The following SEMA6A variants were observed in gnomAD, a reference collection of about 807,000 sequenced individuals.
SEMA6A encodes semaphorin 6A.
A neutral mutation model predicts 96.8 loss-of-function variants in SEMA6A; 25 were observed. That is an observed-to-expected ratio of 0.26 (90% CI 0.19 to 0.36). SEMA6A has a LOEUF of 0.36. Among genes scored for constraint, SEMA6A ranks in the 10% least tolerant of loss-of-function variants. The pLI is 1.00. For synonymous variants in SEMA6A, 612 were observed against 518.0 expected (o/e 1.18, Z -2.46); for missense variants, 1,363 against 1,323.1 (o/e 1.03, Z -0.47).
At chr5:116,480,337 T>A in intron 11 of SEMA6A, 60 bp from the exon 12 acceptor site, 3 of 1,592,630 alleles carry the variant, frequency 1.9e-6, no homozygotes, top group Non-Finnish European at 2.6e-6. Flanking sequence ...TGGCAAATTC[T>A]TTGAATGAAC....
chr5:116,507,472 C>T (rs1192682191), intron 1 of SEMA6A, among the ~76,000 whole-genome samples: 5 of 152,162 alleles, frequency 3.3e-5, no homozygotes, highest in African/African-American at 9.7e-5. Context: ...TAAGATGACG[C>T]AATACAGACT....
Position 116,504,702 on chromosome 5 carries a change from G to A in SEMA6A, c.100+143C>T, listed in dbSNP as rs1758058747. 9.8e-6 allele frequency: 6 copies of A among 612,498 alleles called. No individual in the cohort carries two copies. In the South Asian group the frequency reaches 1.0e-4, roughly 11 times the overall value. 37.9% of individuals were successfully genotyped at this position (612,498 alleles called of 1,614,324 possible). On this transcript the variant is annotated intron_variant, in intron 2 of 18. Transcript: ENST00000343348. ...AAAAATCATCCTATCAATTTGACTA[G>A]ACTTGAATTAGCCACCTTTGCCACA...
chr5:116,460,755 A>G (rs913372871), intron 18 of SEMA6A, among the ~76,000 whole-genome samples: 1 of 150,576 alleles, frequency 6.6e-6, no homozygotes, highest in Non-Finnish European at 1.5e-5. Context: ...AACCCACCCA[A>G]ACTTTCAGAG....
intron 1 of SEMA6A, among the ~76,000 whole-genome samples, chr5:116,552,593 C>T (rs1334236993): frequency 1.3e-5 from 2 of 152,118 alleles, no homozygotes; most frequent in East Asian, 3.9e-4. Context: ...TTTAGTTAAG[C>T]GGCCCGGGCA....
intron 1 of SEMA6A, among the ~76,000 whole-genome samples, chr5:116,513,815 G>A (rs977974158): frequency 3.3e-5 from 5 of 151,894 alleles, no homozygotes; most frequent in Admixed American, 2.6e-4. Flanking sequence ...AGTGTGTGCT[G>A]TTCTTCCCCG....
chr5:116,529,935 C>CA (rs1759388573), intron 1 of SEMA6A, among the ~76,000 whole-genome samples: 1 of 152,036 alleles, frequency 6.6e-6, no homozygotes, highest in Admixed American at 6.6e-5. Context: ...TACCAAGCCT[C>CA]AATGACACAC....
At chr5:116,562,979 G>A (rs890873944) in intron 1 of SEMA6A, 15 of 569,706 alleles carry the variant, frequency 2.6e-5, no homozygotes, top group African/African-American at 9.4e-5. Context: ...GACAGCACCC[G>A]CAGGAAGGGG....
At chr5:116,502,987 A>G (rs1757960504) in intron 2 of SEMA6A, among the ~76,000 whole-genome samples, 1 of 152,202 alleles carries the variant, frequency 6.6e-6, no homozygotes, top group Non-Finnish European at 1.5e-5. Context: ...CAGTCAGGTG[A>G]TCTGAAATTT....
intron 1 of SEMA6A, among the ~76,000 whole-genome samples, chr5:116,526,798 C>T (rs1245381860): frequency 1.3e-5 from 2 of 152,058 alleles, no homozygotes; most frequent in African/African-American, 4.8e-5. Flanking sequence ...AGACTGACAC[C>T]CAGCATTTGC....
At chr5:116,473,750 CT>C (rs1027792972) in intron 16 of SEMA6A, among the ~76,000 whole-genome samples, 26 of 152,288 alleles carry the variant, frequency 1.7e-4, no homozygotes, top group African/African-American at 6.3e-4. Context: ...GAAATCCTCC[CT>C]GAATACCTAT....
At chr5:116,474,680 G>A (rs1335019440) in intron 16 of SEMA6A, among the ~76,000 whole-genome samples, 1 of 152,136 alleles carries the variant, frequency 6.6e-6, no homozygotes, top group East Asian at 1.9e-4. Flanking sequence ...TTAGAGTTAT[G>A]TCCGTGACTT....
At chr5:116,472,811 A>C in intron 17 of SEMA6A, 1 of 1,139,022 alleles carries the variant, frequency 8.8e-7, no homozygotes, top group Non-Finnish European at 1.2e-6. Context: ...GATGTTTAGG[A>C]ATGAAAACTA....
intron 1 of SEMA6A, among the ~76,000 whole-genome samples, chr5:116,537,654 A>G (rs1019058736): frequency 1.3e-5 from 2 of 152,330 alleles, no homozygotes; most frequent in South Asian, 4.1e-4. Context: ...AAGAGCCAAC[A>G]TTAAATAAAT....
chr5:116,481,469 G>A (rs964088012), intron 11 of SEMA6A, among the ~76,000 whole-genome samples: 4 of 152,294 alleles, frequency 2.6e-5, no homozygotes, highest in South Asian at 4.1e-4. Context: ...AATGAAGATG[G>A]ATGAGTTTCT....
At chr5:116,472,902 G>T in intron 17 of SEMA6A, 171 bp downstream of exon 17, 2 of 1,511,674 alleles carry the variant, frequency 1.3e-6, no homozygotes, top group Non-Finnish European at 1.8e-6. Flanking sequence ...TGTGTTGTAA[G>T]ACATTTCATT....
chr5:116,508,691 A>T (rs1352401183), intron 1 of SEMA6A, among the ~76,000 whole-genome samples: 3 of 152,206 alleles, frequency 2.0e-5, no homozygotes, highest in Non-Finnish European at 4.4e-5. Flanking sequence ...TCTTAAAAAA[A>T]ATCAGAGGTT....
intron 1 of SEMA6A, among the ~76,000 whole-genome samples, chr5:116,561,020 C>G (rs1760800167): frequency 6.6e-6 from 1 of 152,142 alleles, no homozygotes; most frequent in South Asian, 2.1e-4. Flanking sequence ...CACAACACAG[C>G]TATATGGAGG....
chr5:116,515,342 AG>A (rs1758619492), intron 1 of SEMA6A, among the ~76,000 whole-genome samples: 2 of 152,308 alleles, frequency 1.3e-5, no homozygotes, highest in South Asian at 4.1e-4. Flanking sequence ...AATATGACAG[AG>A]AAGAAGGGGT....
chr5:116,540,766 G>A (rs962962567), intron 1 of SEMA6A, among the ~76,000 whole-genome samples: 6 of 152,174 alleles, frequency 3.9e-5, no homozygotes, highest in African/African-American at 1.4e-4. Context: ...TTTCACTCCA[G>A]TGTCTTCCTT....
Sources: gnomAD v4.1 joint callset for allele counts (sites outside exome capture counted in the v4.1 genomes callset) on GRCh38, gnomAD v4.1.1 for gene constraint, MANE v1.5 for transcripts, NCBI Gene and HGNC (gene_info 2026-07-23, HGNC 2026-07-21) for gene names.